The following TBC1D17 variants were observed in gnomAD, a reference collection of about 807,000 sequenced individuals.
TBC1D17 encodes TBC1 domain family, member 17.
Under a neutral mutation model 78.8 loss-of-function variants are expected in TBC1D17, and 69 were observed. That is an observed-to-expected ratio of 0.88 (90% CI 0.72 to 1.07). The LOEUF is 1.07. Ranked by LOEUF, TBC1D17 falls within the 50% of genes least tolerant of loss-of-function variation. The pLI, the probability that TBC1D17 is intolerant of heterozygous loss-of-function variation, is 0.00. For synonymous variants in TBC1D17, 456 were observed against 358.3 expected, an observed-to-expected ratio of 1.27 and a Z score of -3.08; for missense variants, 957 against 861.0, an observed-to-expected ratio of 1.11 and a Z score of -1.39.
chr19:49,888,343 C>A, intron 16 of TBC1D17, 26 bp downstream of exon 16: 1 of 1,544,154 alleles, frequency 6.5e-7, no homozygotes, highest in East Asian at 2.4e-5. Flanking sequence ...CCCCGCAGCG[C>A]CCCGCCCGAA....
At chr19:49,881,791 T>G (rs1178255169) in intron 5 of TBC1D17, among the ~76,000 whole-genome samples, 1 of 152,088 alleles carries the variant, frequency 6.6e-6, no homozygotes, top group African/African-American at 2.4e-5. Context: ...CAGAGCTGCT[T>G]CTCATTGGCT....
Position 49,878,519 on chromosome 19 carries a change from T to C in TBC1D17, c.142T>C (p.Trp48Arg). ...VEKDNDVLLHWAPVEEAGDST... is the reference protein window; with the variant it reads ...VEKDNDVLLHRAPVEEAGDST... ...CTAGGACAATGACGTCCTCCTGCAC[T>C]GGGCTCCTGTAGAGGAGGCTGGAGA... The change falls in exon 3 of 17, where the codon TGG becomes CGG. Residue 48 changes from tryptophan (W) to arginine (R), a missense_variant. Physicochemically the swap from Trp to Arg is moderately radical, Grantham distance 101. Coordinates refer to ENST00000221543, the MANE Select transcript of TBC1D17 (RefSeq NM_024682.3). 1 of 1,614,166 alleles carries C rather than the reference T, an allele frequency of 6.2e-7. No individual in the cohort carries two copies. The highest frequency in any genetic ancestry group is 8.5e-7 in the Non-Finnish European group (1 of 1,179,994).
In TBC1D17 at chr19:49,882,363, A is replaced by G. The variant is rs763147251; in HGVS notation, c.761A>G (p.Asp254Gly). ...GAASDLPPPPDDEPEPGFEVI... is the reference protein window; with the variant it reads ...GAASDLPPPPGDEPEPGFEVI... ...GCCTCCGACCTTCCCCCGCCACCCG[A>G]CGATGAGCCCGAGCCTGGATTCGAG... The change falls in exon 7 of 17, where the codon GAC becomes GGC. Residue 254 changes from aspartate to glycine, a missense_variant. Asp to Gly is a moderately conservative substitution (Grantham distance 94). Coordinates refer to ENST00000221543, the MANE Select transcript of TBC1D17 (RefSeq NM_024682.3). 6.8e-6 allele frequency: 11 copies of G among 1,609,316 alleles called. No individual in the cohort carries two copies. The East Asian group carries it at 1.6e-4, about 23-fold the overall frequency.
At chr19:49,878,818 C>A in intron 3 of TBC1D17, 1 of 503,162 alleles carries the variant, frequency 2.0e-6, no homozygotes, top group South Asian at 2.7e-5. Flanking sequence ...CCCTCTCTCC[C>A]TTTGCTTCTT....
rs567368968 is a variant in TBC1D17, at chr19:49,877,829, T to C, written c.21+85T>C. 39 of 1,468,764 alleles carry C rather than the reference T, an allele frequency of 2.7e-5. No individual in the cohort carries two copies. The East Asian group carries it at 8.4e-4, about 32-fold the overall frequency. The allele number at this position is 1,468,764 out of a possible 1,614,324, so 91.0% of individuals were successfully genotyped here. A position where few individuals can be genotyped will look rare whatever the true frequency, so the allele number is the denominator to read the frequency against. On this transcript the variant is annotated intron_variant, in intron 1 of 16. Coordinates refer to ENST00000221543, the MANE Select transcript of TBC1D17 (RefSeq NM_024682.3). ...CAGCTCTTCTCTCAGGCCTTGGCTC[T>C]CGAGAATCCGGCACGGCCTTGGCAA...
At chr19:49,877,973 A>G in intron 1 of TBC1D17, 170 bp from the exon 2 acceptor site, 2 of 698,726 alleles carry the variant, frequency 2.9e-6, no homozygotes, top group Non-Finnish European at 2.3e-6. Flanking sequence ...TGTGGAACGC[A>G]CGTCAGCATC....
At position 49,884,765 on chromosome 19, in the gene TBC1D17, C is replaced by G. The variant is rs2122460747; in HGVS notation, c.1444+7C>G. On this transcript the variant is annotated splice_region_variant and intron_variant, in intron 13 of 16. Coordinates refer to ENST00000221543, the MANE Select transcript of TBC1D17 (RefSeq NM_024682.3). The stretch of plus-strand genomic sequence containing the variant: ...CTGCTCTGCGACTTCCTGGGTATGT[C>G]TCTCGGGAGGGTGGGCAGGAGACAA... 1 of 1,613,270 alleles carries G rather than the reference C, an allele frequency of 6.2e-7. No homozygotes were observed. Among genetic ancestry groups the G allele is most frequent in the Non-Finnish European group, 8.5e-7 (1 of 1,179,604 alleles).
chr19:49,878,773 G>A, intron 3 of TBC1D17: 1 of 590,278 alleles, frequency 1.7e-6, no homozygotes, highest in South Asian at 2.0e-5. Flanking sequence ...AAAAGAGCAG[G>A]GAGCATAAGA....
At chr19:49,878,340 AGTG>A (rs1367170847) in intron 2 of TBC1D17, 99 bp downstream of exon 2, 2 of 1,277,206 alleles carry the variant, frequency 1.6e-6, no homozygotes, top group Non-Finnish European at 2.2e-6. Context: ...GGCGGTCAGC[AGTG>A]GGACCTGAAG....
Position 49,888,452 on chromosome 19 carries a change from T to C in TBC1D17, c.1775T>C (p.Leu592Pro). Residue 592 changes from leucine (L) to proline (P), a missense_variant, in exon 17 of 17, where the codon CTG becomes CCG. Coordinates refer to ENST00000221543, the MANE Select transcript of TBC1D17 (RefSeq NM_024682.3). ...PELPHNVQEI[L>P]GLAPPAEPHS... The stretch of plus-strand genomic sequence containing the variant: ...CTGCCCCACAACGTGCAGGAGATCC[T>C]GGGGCTGGCCCCGCCCGCAGAGCCC... 1.3e-6 allele frequency: 2 copies of C among 1,589,598 alleles called. No individual in the cohort carries two copies. Among genetic ancestry groups the C allele is most frequent in the Non-Finnish European group, 1.7e-6 (2 of 1,171,568 alleles).
chr19:49,879,737 C>T (rs899006394), intron 3 of TBC1D17, among the ~76,000 whole-genome samples: 10 of 151,876 alleles, frequency 6.6e-5, no homozygotes, highest in African/African-American at 2.4e-4. Context: ...ACTGCAGAGC[C>T]ACCTGCTGTG....
At chr19:49,882,951 G>A in intron 8 of TBC1D17, 22 bp from the exon 9 acceptor site, 1 of 1,600,826 alleles carries the variant, frequency 6.2e-7, no homozygotes, top group Non-Finnish European at 8.5e-7. Flanking sequence ...CCACTGAGCT[G>A]CCTGCCCTCC....
At chr19:49,878,344 G>T in intron 2 of TBC1D17, 103 bp downstream of exon 2, 1 of 1,265,004 alleles carries the variant, frequency 7.9e-7, no homozygotes. Flanking sequence ...GTCAGCAGTG[G>T]GACCTGAAGA....
In TBC1D17 at chr19:49,882,239, C is replaced by T; in HGVS notation, c.640-3C>T. Reference sequence around the variant, plus strand: ...CGTGACCTCCCTTTGGCCTCGTCCCCAGCGCTTCCTCCAGGATCCCTACTC... The same window carrying T: ...CGTGACCTCCCTTTGGCCTCGTCCCTAGCGCTTCCTCCAGGATCCCTACTC... On this transcript the variant is annotated splice_region_variant and splice_polypyrimidine_tract_variant and intron_variant, in intron 6 of 16. Transcript: ENST00000221543. 1 of 1,612,326 alleles carries T rather than the reference C, an allele frequency of 6.2e-7. No individual in the cohort carries two copies. Among genetic ancestry groups the T allele is most frequent in the Non-Finnish European group, 8.5e-7 (1 of 1,179,948 alleles).
chr19:49,877,752 C>G lies in TBC1D17; in HGVS notation c.21+8C>G. 1 of 1,592,392 alleles carries G rather than the reference C, an allele frequency of 6.3e-7. No individual in the cohort carries two copies. Among genetic ancestry groups the G allele is most frequent in the Non-Finnish European group, 8.5e-7 (1 of 1,170,212 alleles). ...GAAGGAGCCGGCTACAGGGTAAGCA[C>G]TGAGGACGCATTCCCTCGCTTCAGT... On this transcript the variant is annotated splice_region_variant and intron_variant, in intron 1 of 16. Transcript: ENST00000221543.
At chr19:49,886,899 G>A (rs150097490) in intron 13 of TBC1D17, 21 of 157,384 alleles carry the variant, frequency 1.3e-4, no homozygotes, top group Non-Finnish European at 2.7e-4. Flanking sequence ...GGGTTCAAGC[G>A]ATTCTCCTGC....
chr19:49,878,760 G>C, intron 3 of TBC1D17, 188 bp downstream of exon 3: 1 of 595,020 alleles, frequency 1.7e-6, no homozygotes, highest in Non-Finnish European at 3.0e-6. Flanking sequence ...GCCCATTCAA[G>C]GAAAAAGAGC....
Position 49,884,284 on chromosome 19 carries a change from C to T in TBC1D17, c.1158C>T (p.Asn386=). The change falls in exon 11 of 17, where the codon AAC becomes AAT. Residue 386 remains asparagine, a synonymous_variant. Transcript: ENST00000221543. Reference sequence around the variant, plus strand: ...ATGTGAGCCGCACTGACAGGACCAACAAGTTCTACGAGGGTCCCGAGAACC... The same window carrying T: ...ATGTGAGCCGCACTGACAGGACCAATAAGTTCTACGAGGGTCCCGAGAACC... ...ERDVSRTDRT[N]KFYEGPENPG... is the part of the protein sequence containing the mutation. 1 of 1,613,998 alleles carries T rather than the reference C, an allele frequency of 6.2e-7. No homozygotes were observed. Among genetic ancestry groups the T allele is most frequent in the Non-Finnish European group, 8.5e-7 (1 of 1,180,016 alleles).
intron 5 of TBC1D17, among the ~76,000 whole-genome samples, chr19:49,881,828 G>A (rs2122440651): frequency 6.6e-6 from 1 of 152,148 alleles, no homozygotes; most frequent in South Asian, 2.1e-4. Flanking sequence ...ACACTGGACC[G>A]GAAGGTGAAA....
Sources: allele counts gnomAD v4.1 joint callset (sites outside exome capture counted in the v4.1 genomes callset), GRCh38; gene constraint gnomAD v4.1.1; transcripts MANE v1.5; gene names NCBI Gene and HGNC (gene_info 2026-07-23, HGNC 2026-07-21).